STEAP1B: variants seen among roughly 807,000 people sequenced by gnomAD.
The protein encoded by STEAP1B is STEAP family member 1B, also known as STEAP family protein MGC87042.
Under a neutral mutation model 27.9 loss-of-function variants are expected in STEAP1B, and 13 were observed. The observed-to-expected ratio is 0.47, with a 90% CI of 0.30 to 0.74. The LOEUF (loss-of-function observed/expected upper bound fraction) is 0.74, where lower values mean the gene tolerates loss of function less well. Ranked by LOEUF, STEAP1B falls within the 30% of genes least tolerant of loss-of-function variation. The pLI, the probability that STEAP1B is intolerant of heterozygous loss-of-function variation, is 0.06. For missense variants in STEAP1B, 250 were observed against 298.7 expected, an observed-to-expected ratio of 0.84 and a Z score of 1.20; for synonymous variants, 86 against 107.1, an observed-to-expected ratio of 0.80 and a Z score of 1.22.
At chr7:22,456,972 A>ATATATATATATATATATATAT in intron 4 of STEAP1B, among the ~76,000 whole-genome samples, 1 of 57,082 alleles carries the variant, frequency 1.8e-5, no homozygotes, top group South Asian at 1.0e-3. Flanking sequence ...ATATATATAT[A>ATATATATATATATATATATAT]TTTTTTTTTT....
chr7:22,420,049 T>G (rs1785026151), intron 4 of STEAP1B, among the ~76,000 whole-genome samples: 2 of 152,140 alleles, frequency 1.3e-5, no homozygotes, highest in Admixed American at 6.5e-5. Context: ...CCCTGAGATA[T>G]CTAAAGAAGA....
At chr7:22,420,082 T>C (rs1785026790) in intron 4 of STEAP1B, among the ~76,000 whole-genome samples, 1 of 151,924 alleles carries the variant, frequency 6.6e-6, no homozygotes, top group South Asian at 2.1e-4. Context: ...GCAATGAGAG[T>C]CCCACCCCAT....
intron 4 of STEAP1B, among the ~76,000 whole-genome samples, chr7:22,490,154 GATTTT>G (rs142732539): frequency 0.033 from 4,997 of 151,726 alleles, 135 homozygotes; most frequent in African/African-American, 0.076. Flanking sequence ...TTATTTTAGT[GATTTT>G]ATTTTATTTT....
chr7:22,445,181 G>C (rs866170865), intron 4 of STEAP1B, among the ~76,000 whole-genome samples: 1 of 152,256 alleles, frequency 6.6e-6, no homozygotes, highest in Non-Finnish European at 1.5e-5. Context: ...ATTATGAGCA[G>C]AGTAATTACA....
At chr7:22,499,263 G>A (rs1786494017) in intron 1 of STEAP1B, among the ~76,000 whole-genome samples, 1 of 152,226 alleles carries the variant, frequency 6.6e-6, no homozygotes, top group South Asian at 2.1e-4. Flanking sequence ...TCCCGCAGTT[G>A]AGAATATGAA....
chr7:22,473,743 G>A (rs1229290996), intron 4 of STEAP1B, among the ~76,000 whole-genome samples: 1 of 152,178 alleles, frequency 6.6e-6, no homozygotes, highest in East Asian at 1.9e-4. Flanking sequence ...TGGGACCCAT[G>A]GTGATAGTTC....
At chr7:22,420,314 G>A (rs1001856803) in intron 4 of STEAP1B, among the ~76,000 whole-genome samples, 11 of 152,180 alleles carry the variant, frequency 7.2e-5, no homozygotes, top group Non-Finnish European at 1.3e-4. Flanking sequence ...AGAACCAGAT[G>A]GTGTCCTCCA....
At chr7:22,461,434 C>T (rs28421110) in intron 4 of STEAP1B, among the ~76,000 whole-genome samples, 2,862 of 152,008 alleles carry the variant, frequency 0.019, 114 homozygotes, top group African/African-American at 0.066. Context: ...AGCTAATTTT[C>T]GTATTTTTAG....
chr7:22,484,795 A>G (rs1253466341), intron 4 of STEAP1B, among the ~76,000 whole-genome samples: 1 of 152,234 alleles, frequency 6.6e-6, no homozygotes, highest in Admixed American at 6.5e-5. Flanking sequence ...TGTGGAAAGA[A>G]ATCAACATTA....
At chr7:22,436,570 A>G (rs1476356120) in intron 4 of STEAP1B, among the ~76,000 whole-genome samples, 1 of 148,430 alleles carries the variant, frequency 6.7e-6, no homozygotes, top group South Asian at 2.1e-4. Flanking sequence ...AATAGGCCCC[A>G]GTGTCCGTTT....
chr7:22,467,264 A>G (rs1279755164), intron 4 of STEAP1B, among the ~76,000 whole-genome samples: 4 of 152,158 alleles, frequency 2.6e-5, no homozygotes, highest in Non-Finnish European at 4.4e-5. Flanking sequence ...AGTAATCTGC[A>G]GGGGGAAAAG....
intron 4 of STEAP1B, among the ~76,000 whole-genome samples, chr7:22,455,972 C>T (rs1303629313): frequency 6.6e-6 from 1 of 152,076 alleles, no homozygotes; most frequent in African/African-American, 2.4e-5. Flanking sequence ...ACGGTGAAAC[C>T]CCATCTCTAC....
intron 4 of STEAP1B, among the ~76,000 whole-genome samples, chr7:22,449,834 C>T (rs1785459592): frequency 6.6e-6 from 1 of 152,160 alleles, no homozygotes; most frequent in Non-Finnish European, 1.5e-5. Flanking sequence ...GGATATAAGC[C>T]ATTTTAACTG....
At chr7:22,453,786 C>G (rs1002923303) in intron 4 of STEAP1B, among the ~76,000 whole-genome samples, 15 of 152,208 alleles carry the variant, frequency 9.9e-5, no homozygotes, top group South Asian at 8.3e-4. Flanking sequence ...CAAATTGTAT[C>G]TCTTTGTATA....
At chr7:22,481,983 A>C (rs1441356401) in intron 4 of STEAP1B, among the ~76,000 whole-genome samples, 1 of 152,232 alleles carries the variant, frequency 6.6e-6, no homozygotes, top group East Asian at 1.9e-4. Context: ...CGAAAGCCGG[A>C]ATCCTGCTCT....
At chr7:22,444,452 A>G (rs557460344) in intron 4 of STEAP1B, among the ~76,000 whole-genome samples, 18 of 152,154 alleles carry the variant, frequency 1.2e-4, no homozygotes, top group Non-Finnish European at 1.5e-4. Context: ...AGAAAATATA[A>G]ATTCCTTTCT....
At chr7:22,473,214 A>G (rs1208501052) in intron 4 of STEAP1B, among the ~76,000 whole-genome samples, 1 of 152,218 alleles carries the variant, frequency 6.6e-6, no homozygotes, top group Non-Finnish European at 1.5e-5. Flanking sequence ...CAAGGAGAAG[A>G]AACTGCAACT....
chr7:22,460,085 G>A (rs1035663743), intron 4 of STEAP1B, among the ~76,000 whole-genome samples: 13 of 152,050 alleles, frequency 8.5e-5, no homozygotes, highest in African/African-American at 3.1e-4. Context: ...CAAGGTGGGA[G>A]GACTGCTTGA....
chr7:22,490,369 C>T (rs773726193), intron 4 of STEAP1B, among the ~76,000 whole-genome samples: 2 of 152,022 alleles, frequency 1.3e-5, no homozygotes, highest in Non-Finnish European at 2.9e-5. Context: ...TTTTTCTATC[C>T]TATTGGCCTA....
Sources: gnomAD v4.1 joint callset for allele counts (sites outside exome capture counted in the v4.1 genomes callset) on GRCh38, gnomAD v4.1.1 for gene constraint, MANE v1.5 for transcripts, NCBI Gene and HGNC (gene_info 2026-07-23, HGNC 2026-07-21) for gene names.